SYNM: variants seen among roughly 807,000 people sequenced by gnomAD.
SYNM encodes desmuslin.
In SYNM, 95 loss-of-function variants were observed where a neutral mutation model predicts 104.0. That is an observed-to-expected ratio of 0.91 (90% confidence interval 0.77 to 1.08). SYNM has a LOEUF of 1.08. Ranked by LOEUF, SYNM falls within the 50% of genes least tolerant of loss-of-function variation. The pLI is 0.00. For missense variants in SYNM, 2,150 were observed against 2,052.2 expected (o/e 1.05, Z -0.92); for synonymous variants, 918 against 869.0 (o/e 1.06, Z -0.99).
chr15:99,138,175 C>G (rs115566375), downstream of SYNM: 5 of 1,601,842 alleles, frequency 3.1e-6, no homozygotes, highest in Admixed American at 1.7e-5. Flanking sequence ...CTCAGCCCCC[C>G]ACACCGTTCC....
Position 99,113,713 on chromosome 15 carries a change from C to T in SYNM, c.933C>T (p.Tyr311=). 1 of 1,613,480 alleles carries T rather than the reference C, an allele frequency of 6.2e-7. No homozygotes were observed. The highest frequency in any genetic ancestry group is 8.5e-7 in the Non-Finnish European group (1 of 1,179,674). ...KTGLSLEVAT[Y]RALLEGESNP... is the part of the protein sequence containing the mutation. Reference sequence around the variant, plus strand: ...GCCTCAGTCTGGAGGTGGCGACCTACCGGTAAGGAGACTGTGCTGAGTTGG... The same window carrying T: ...GCCTCAGTCTGGAGGTGGCGACCTATCGGTAAGGAGACTGTGCTGAGTTGG... Residue 311 remains tyrosine, a splice_region_variant and synonymous_variant, in exon 2 of 4, where the codon TAC becomes TAT. Coordinates refer to ENST00000336292, the MANE Select transcript of SYNM (RefSeq NM_145728.3).
intron 2 of SYNM, among the ~76,000 whole-genome samples, chr15:99,115,584 C>A (rs1318217619): frequency 1.3e-5 from 2 of 151,606 alleles, no homozygotes; most frequent in Non-Finnish European, 2.9e-5. Context: ...GTTTCAGCCT[C>A]CTGAGTAGCT....
At chr15:99,123,509 C>T (rs1612475) in intron 2 of SYNM, among the ~76,000 whole-genome samples, 1 of 152,222 alleles carries the variant, frequency 6.6e-6, no homozygotes, top group Non-Finnish European at 1.5e-5. Flanking sequence ...CCCCTCCCTT[C>T]TGTTCCCTGG....
intron 2 of SYNM, among the ~76,000 whole-genome samples, chr15:99,122,229 A>G (rs1025016137): frequency 6.6e-5 from 10 of 152,218 alleles, no homozygotes; most frequent in African/African-American, 2.2e-4. Flanking sequence ...GCGTGTTTTA[A>G]TGGAGAAAAA....
chr15:99,129,734 C>T lies in SYNM; in HGVS notation c.1374C>T (p.Pro458=), dbSNP rs782447126. 1.3e-5 allele frequency: 21 copies of T among 1,613,466 alleles called. No individual in the cohort carries two copies. Among genetic ancestry groups the T allele is most frequent in the East Asian group, 4.5e-5 (2 of 44,896 alleles). Residue 458 remains proline, a synonymous_variant, in exon 4 of 4, where the codon CCC becomes CCT. Transcript: ENST00000336292. ...AAGCCGGAGATACAAGGGAGGTCCCCGTTTACATAGGTGAAGATTCCACAA... is the reference window on the plus strand; with the variant it reads ...AAGCCGGAGATACAAGGGAGGTCCCTGTTTACATAGGTGAAGATTCCACAA... The part of the protein sequence containing the change: ...RPKAGDTREV[P]VYIGEDSTIA...
At chr15:99,126,893 T>C (rs2067453328) in intron 3 of SYNM, 101 bp downstream of exon 3, 18 of 1,063,288 alleles carry the variant, frequency 1.7e-5, no homozygotes, top group Non-Finnish European at 2.4e-5. Flanking sequence ...GGGTTAGATA[T>C]GGTGTTTAGA....
At chr15:99,136,740 C>T (rs1485162836), downstream of SYNM, 1 of 108,926 alleles carries the variant, frequency 9.2e-6, no homozygotes, top group Non-Finnish European at 1.9e-5. Flanking sequence ...CTAGATAGGA[C>T]ACACGGTGAG....
chr15:99,108,400 G>A (rs2067269523), intron 1 of SYNM, among the ~76,000 whole-genome samples: 1 of 152,032 alleles, frequency 6.6e-6, no homozygotes, highest in South Asian at 2.1e-4. Flanking sequence ...TTGCATTCCA[G>A]AAGATTCAGC....
At position 99,131,230 on chromosome 15, in the gene SYNM, A is replaced by G. The variant is rs1464483969; in HGVS notation, c.2870A>G (p.Glu957Gly). 1.2e-6 allele frequency: 2 copies of G among 1,609,212 alleles called. No homozygotes were observed. Among genetic ancestry groups the G allele is most frequent in the Admixed American group, 1.7e-5 (1 of 59,326 alleles). ...QQLVEVIGQLEETLPERMREE... is the reference protein window; with the variant it reads ...QQLVEVIGQLGETLPERMREE... ...CTGGTGGAGGTCATCGGGCAGCTGG[A>G]GGAAACCCTTCCCGAGCGCATGAGG... The change falls in exon 4 of 4, where the codon GAG becomes GGG. Residue 957 changes from glutamate (E) to glycine (G), a missense_variant. By Grantham distance (98) the Glu-to-Gly change is moderately conservative (BLOSUM62 -2). Transcript: ENST00000336292. This position sits in a 1 kb window ranked among gnomAD's most constrained non-coding sequence, Gnocchi z 4.3.
intron 2 of SYNM, among the ~76,000 whole-genome samples, chr15:99,121,803 G>A (rs2067403942): frequency 6.6e-6 from 1 of 152,216 alleles, no homozygotes; most frequent in East Asian, 1.9e-4. Flanking sequence ...ATACCCAGGG[G>A]TAGACAGTGC....
chr15:99,130,023 C>G lies in SYNM; in HGVS notation c.1663C>G (p.Gln555Glu). The change falls in exon 4 of 4, where the codon CAG becomes GAG. Residue 555 changes from glutamine (Q) to glutamate (E), a missense_variant. By Grantham distance (29) the Gln-to-Glu change is conservative. Coordinates refer to ENST00000336292, the MANE Select transcript of SYNM (RefSeq NM_145728.3). ...LDKEARQRES[Q>E]QMKEKAKEKD... Reference sequence around the variant, plus strand: ...TAAGGAAGCGAGACAGAGAGAAAGCCAGCAGATGAAGGAGAAGGCTAAGGA... The same window carrying G: ...TAAGGAAGCGAGACAGAGAGAAAGCGAGCAGATGAAGGAGAAGGCTAAGGA... 6.2e-7 allele frequency: 1 copy of G among 1,613,596 alleles called. No homozygotes were observed.
At position 99,105,714 on chromosome 15, in the gene SYNM, GCCCCGCCGCGCCGCCGC is replaced by G; in HGVS notation, c.517_533del (p.Pro173ThrfsTer96). The stretch of plus-strand genomic sequence containing the variant: ...ATGCATTTCCGCGCCCGCGCCACCG[GCCCCGCCGCGCCGCCGC>G]CACGCCTGCGGGAGGTGCACGACAG... On this transcript the variant is annotated frameshift_variant, in exon 1 of 4. Coordinates refer to ENST00000336292, the MANE Select transcript of SYNM (RefSeq NM_145728.3). LOFTEE classifies it high-confidence loss of function. The G allele has an allele frequency of 6.7e-7, 1 of 1,496,076 alleles. No individual in the cohort carries two copies. The highest frequency in any genetic ancestry group is 1.5e-5 in the African/African-American group (1 of 68,332). The allele number at this position is 1,496,076 out of a possible 1,614,324, so 92.7% of individuals were successfully genotyped here.
rs200155964 is a variant in SYNM at position 99,131,629 on chromosome 15, C to T, written c.3269C>T (p.Ser1090Leu). 401 of 1,610,326 alleles carry T rather than the reference C, an allele frequency of 2.5e-4. No homozygotes were observed. Among genetic ancestry groups the T allele is most frequent in the South Asian group, 1.1e-4 (10 of 90,876 alleles). ...SEVAGGASHSSGQRTPQGPVS... is the reference protein window; with the variant it reads ...SEVAGGASHSLGQRTPQGPVS... ...GTTGCTGGTGGGGCCTCTCACAGCT[C>T]GGGACAGCGCACTCCCCAGGGCCCA... Residue 1090 changes from serine (S) to leucine (L), a missense_variant, in exon 4 of 4, where the codon TCG (serine) becomes TTG (leucine). Coordinates refer to ENST00000336292, the MANE Select transcript of SYNM (RefSeq NM_145728.3). The surrounding 1 kb of genome is among the most constrained non-coding windows in gnomAD (Gnocchi z 4.3).
chr15:99,121,679 AGAAAC>A (rs1238531731), intron 2 of SYNM, among the ~76,000 whole-genome samples: 1 of 152,254 alleles, frequency 6.6e-6, no homozygotes, highest in Non-Finnish European at 1.5e-5. Flanking sequence ...CAGATAGAAA[AGAAAC>A]AGCTTCCCCA....
chr15:99,112,742 G>A (rs982807250), intron 1 of SYNM, among the ~76,000 whole-genome samples: 1 of 152,116 alleles, frequency 6.6e-6, no homozygotes, highest in African/African-American at 2.4e-5. Flanking sequence ...GTGGAGTCTC[G>A]CTCTGTCGCT....
At chr15:99,124,441 G>C (rs906759) in intron 2 of SYNM, among the ~76,000 whole-genome samples, 94,882 of 151,880 alleles carry the variant, frequency 0.62, 29,877 homozygotes, top group Middle Eastern at 0.68. Context: ...GACATGTGTC[G>C]CTGCCTGCTA....
At position 99,133,318 on chromosome 15, in the gene SYNM, C is replaced by T. The variant is rs983115791; in HGVS notation, c.*260C>T. Reference sequence around the variant, plus strand: ...ACTTTTTTCCCTGGAGTCTTCTCTCCACTTCTGGAGATGAATTTCTATGTT... The same window carrying T: ...ACTTTTTTCCCTGGAGTCTTCTCTCTACTTCTGGAGATGAATTTCTATGTT... On this transcript the variant is annotated 3_prime_UTR_variant, in exon 4 of 4. Transcript: ENST00000336292. 4 of 522,342 alleles carry T rather than the reference C, an allele frequency of 7.7e-6. No homozygotes were observed. Among genetic ancestry groups the T allele is most frequent in the South Asian group, 2.5e-5 (1 of 40,406 alleles). The allele number at this position is 522,342 out of a possible 1,614,324, so 32.4% of individuals were successfully genotyped here.
intron 2 of SYNM, among the ~76,000 whole-genome samples, chr15:99,115,427 T>TA (rs1567276590): frequency 1.3e-4 from 19 of 143,478 alleles, no homozygotes; most frequent in Admixed American, 3.5e-4. Flanking sequence ...TCATTTTTTT[T>TA]ATTATTTTTT....
At position 99,129,780 on chromosome 15, in the gene SYNM, G is replaced by A; in HGVS notation, c.1420G>A (p.Asp474Asn). ...CACAATTGCCCGCGAGTCGTACCGG[G>A]ATCGCCGAGACAAGGTGGCAGCAGG... is the stretch of plus-strand genomic sequence containing the variant. ...DSTIARESYR[D>N]RRDKVAAGAS... The change falls in exon 4 of 4, where the codon GAT becomes AAT. Residue 474 changes from aspartate to asparagine, a missense_variant. Asp to Asn is a conservative substitution (Grantham distance 23). Coordinates refer to ENST00000336292, the MANE Select transcript of SYNM (RefSeq NM_145728.3). 6.2e-7 allele frequency: 1 copy of A among 1,613,542 alleles called. No individual in the cohort carries two copies. The highest frequency in any genetic ancestry group is 8.5e-7 in the Non-Finnish European group (1 of 1,179,770).
Sources: allele counts gnomAD v4.1 joint callset (sites outside exome capture counted in the v4.1 genomes callset), GRCh38; gene constraint gnomAD v4.1.1; non-coding constraint Gnocchi (gnomAD v3.1); transcripts MANE v1.5; gene names NCBI Gene and HGNC (gene_info 2026-07-23, HGNC 2026-07-21).